Variants in FNBP1 observed in about 807,000 individuals in gnomAD.
FNBP1 encodes the protein formin binding protein 1.
In FNBP1, 26 loss-of-function variants were observed where a neutral mutation model predicts 90.6. The observed-to-expected ratio is 0.29, with a 90% CI of 0.21 to 0.40. The LOEUF (loss-of-function observed/expected upper bound fraction) is 0.40, where lower values mean the gene tolerates loss of function less well. Among genes scored for constraint, FNBP1 ranks in the 10% least tolerant of loss-of-function variants. The pLI, the probability that FNBP1 is intolerant of heterozygous loss-of-function variation, is 1.00. For missense variants in FNBP1, 635 were observed against 768.0 expected (o/e 0.83, Z 2.05); for synonymous variants, 260 against 265.2 (o/e 0.98, Z 0.19).
At chr9:130,005,662 G>C (rs1343468172) in intron 1 of FNBP1, among the ~76,000 whole-genome samples, 2 of 152,092 alleles carry the variant, frequency 1.3e-5, no homozygotes, top group Non-Finnish European at 2.9e-5. Flanking sequence ...ATTAAAAGCA[G>C]AAATACTCAA....
At chr9:129,994,625 GA>G (rs201953954) in intron 2 of FNBP1, among the ~76,000 whole-genome samples, 5 of 146,686 alleles carry the variant, frequency 3.4e-5, no homozygotes, top group Admixed American at 1.4e-4. Context: ...ATATCTTGTT[GA>G]AAAAAAAAAC....
chr9:129,988,857 G>A (rs1015543533), intron 2 of FNBP1, among the ~76,000 whole-genome samples: 1 of 152,084 alleles, frequency 6.6e-6, no homozygotes, highest in African/African-American at 2.4e-5. Flanking sequence ...CTGACCTACA[G>A]GAATCAAAGT....
intron 1 of FNBP1, among the ~76,000 whole-genome samples, chr9:130,026,586 T>C (rs2058362222): frequency 1.3e-5 from 2 of 152,030 alleles, no homozygotes; most frequent in African/African-American, 4.8e-5. Context: ...CAGAACTAGA[T>C]CTGAGATGCC....
At position 129,908,352 on chromosome 9, in the gene FNBP1, C is replaced by T. The variant is rs184098066; in HGVS notation, c.1295+538G>A. On this transcript the variant is annotated intron_variant, in intron 12 of 16. Transcript: ENST00000446176. Reference sequence around the variant, plus strand: ...CCAAATAGCTGGGACTACAGGTGCACACCATCATGCCTGGCTAGTTTTTTT... The same window carrying T: ...CCAAATAGCTGGGACTACAGGTGCATACCATCATGCCTGGCTAGTTTTTTT... 2.5e-4 allele frequency among the ~76,000 whole-genome samples: 37 copies of T among 150,674 alleles called. No homozygotes were observed. In the East Asian group the frequency reaches 6.5e-3, roughly 26 times the overall value.
intron 11 of FNBP1, chr9:129,915,005 G>A (rs953335161): frequency 2.8e-6 from 1 of 356,566 alleles, no homozygotes; most frequent in South Asian, 2.2e-5. Context: ...TAGTTTGACT[G>A]TTGACTAGGC....
intron 2 of FNBP1, among the ~76,000 whole-genome samples, chr9:129,986,214 C>T (rs2052207939): frequency 6.6e-6 from 1 of 151,918 alleles, no homozygotes; most frequent in Non-Finnish European, 1.5e-5. Context: ...AATCCAAAAT[C>T]CAGTCTGCAA....
At chr9:129,970,852 A>T (rs7040691) in intron 4 of FNBP1, among the ~76,000 whole-genome samples, 2 of 152,134 alleles carry the variant, frequency 1.3e-5, no homozygotes, top group Non-Finnish European at 2.9e-5. Flanking sequence ...CTTGCAGGGG[A>T]GAAAGGTTCT....
At chr9:129,970,308 C>A (rs756807718) in intron 4 of FNBP1, among the ~76,000 whole-genome samples, 1 of 152,002 alleles carries the variant, frequency 6.6e-6, no homozygotes, top group Non-Finnish European at 1.5e-5. Flanking sequence ...TGCATTCAAG[C>A]AATTCTCCTG....
At chr9:129,989,161 C>T (rs1351655318) in intron 2 of FNBP1, among the ~76,000 whole-genome samples, 1 of 152,194 alleles carries the variant, frequency 6.6e-6, no homozygotes, top group East Asian at 1.9e-4. Flanking sequence ...AGTAACCACC[C>T]CCACTTCAAT....
chr9:130,001,146 C>T (rs1019260638), intron 1 of FNBP1, among the ~76,000 whole-genome samples: 7 of 151,824 alleles, frequency 4.6e-5, no homozygotes, highest in Admixed American at 2.0e-4. Context: ...GCCTGGCCAA[C>T]GTGGTGAAAC....
chr9:129,924,085 C>A, intron 9 of FNBP1, 59 bp from the exon 10 acceptor site: 1 of 1,453,464 alleles, frequency 6.9e-7, no homozygotes, highest in Non-Finnish European at 9.0e-7. Flanking sequence ...AGACACAAAA[C>A]AAAAATAAGC....
At chr9:129,907,578 A>C (rs911206062) in intron 12 of FNBP1, among the ~76,000 whole-genome samples, 2 of 117,432 alleles carry the variant, frequency 1.7e-5, no homozygotes, top group Non-Finnish European at 3.5e-5. Context: ...GCTAGGAGTG[A>C]GGGTGTGTGT....
intron 6 of FNBP1, among the ~76,000 whole-genome samples, chr9:129,952,763 C>T (rs991934268): frequency 6.6e-6 from 1 of 152,094 alleles, no homozygotes; most frequent in Non-Finnish European, 1.5e-5. Context: ...AATAGAATAA[C>T]TCCATAATAA....
chr9:129,931,303 T>C (rs1287487555), intron 6 of FNBP1, among the ~76,000 whole-genome samples: 5 of 151,516 alleles, frequency 3.3e-5, no homozygotes, highest in East Asian at 2.0e-4. Context: ...TGTCAAAAAA[T>C]AATAATAACA....
At chr9:129,954,499 A>G (rs374642426) in intron 6 of FNBP1, among the ~76,000 whole-genome samples, 1 of 152,186 alleles carries the variant, frequency 6.6e-6, no homozygotes, top group East Asian at 1.9e-4. Context: ...ACATAAAAAC[A>G]TAATACATCA....
intron 2 of FNBP1, among the ~76,000 whole-genome samples, chr9:129,983,887 CTT>C (rs1435997216): frequency 1.3e-5 from 2 of 152,074 alleles, no homozygotes; most frequent in East Asian, 3.8e-4. Flanking sequence ...CTTAAAAAAA[CTT>C]TTGATTTATG....
At chr9:130,030,563 G>C (rs941876021) in intron 1 of FNBP1, among the ~76,000 whole-genome samples, 1 of 152,028 alleles carries the variant, frequency 6.6e-6, no homozygotes, top group Non-Finnish European at 1.5e-5. Context: ...CTGTAACGTA[G>C]ACTGTCCTCC....
At position 129,888,628 on chromosome 9, in the gene FNBP1, T is replaced by C. The variant is rs1190963712; in HGVS notation, c.*1911A>G. 1 of 232,876 alleles carries C rather than the reference T, an allele frequency of 4.3e-6. No homozygotes were observed. Among genetic ancestry groups the C allele is most frequent in the Non-Finnish European group, 8.5e-6 (1 of 117,900 alleles). 14.4% of individuals were successfully genotyped at this position (232,876 alleles called of 1,614,324 possible). A position where few individuals can be genotyped will look rare whatever the true frequency, so the allele number is the denominator to read the frequency against. On this transcript the variant is annotated 3_prime_UTR_variant, in exon 17 of 17. Transcript: ENST00000446176. ...GCAGTCCCCCCCGGGGAAGAAGCAG[T>C]CAGAGAGGCTCACGCTCACCTACTT...
rs775674366 is a variant in FNBP1 at position 129,902,971 on chromosome 9, G to A, written c.1326C>T (p.Tyr442=). 5 of 1,596,218 alleles carry A rather than the reference G, an allele frequency of 3.1e-6. No individual in the cohort carries two copies. The South Asian group carries it at 4.5e-5, about 14-fold the overall frequency. The change falls in exon 13 of 17, where the codon TAC becomes TAT. Residue 442 remains tyrosine (Y), a synonymous_variant. Coordinates refer to ENST00000446176, the MANE Select transcript of FNBP1 (RefSeq NM_015033.3). ...RDAITKMKDV[Y]LKNPQMGDPA... Reference sequence around the variant, plus strand: ...GGTCTCCCATCTGAGGATTCTTTAGGTAGACATCTTTCATTTTTGTTATGG... The same window carrying A: ...GGTCTCCCATCTGAGGATTCTTTAGATAGACATCTTTCATTTTTGTTATGG...
Sources: allele counts gnomAD v4.1 joint callset (sites outside exome capture counted in the v4.1 genomes callset), GRCh38; gene constraint gnomAD v4.1.1; transcripts MANE v1.5; gene names NCBI Gene and HGNC (gene_info 2026-07-23, HGNC 2026-07-21).